The following PLCL2 variants were observed in gnomAD, a reference collection of about 807,000 sequenced individuals.
The protein encoded by PLCL2 is inactive phospholipase C-like protein 2.
In PLCL2, 4 loss-of-function variants were observed where a neutral mutation model predicts 79.6. The ratio of observed to expected loss-of-function variants is 0.05; its 90% CI spans 0.02 to 0.11. The LOEUF (loss-of-function observed/expected upper bound fraction) is 0.11. Ranked by LOEUF, PLCL2 falls within the 10% of genes least tolerant of loss-of-function variation. The pLI, the probability that PLCL2 is intolerant of heterozygous loss-of-function variation, is 1.00. For missense variants in PLCL2, 895 were observed against 1,291.0 expected (o/e 0.69, Z 4.70); for synonymous variants, 484 against 457.7 (o/e 1.06, Z -0.73).
intron 1 of PLCL2, among the ~76,000 whole-genome samples, chr3:16,962,446 C>T (rs982785518): frequency 6.6e-6 from 1 of 151,032 alleles, no homozygotes; most frequent in South Asian, 2.1e-4. Flanking sequence ...CCCCAAGGAC[C>T]TTTGATGTTT....
chr3:16,932,504 T>A (rs1234110634), intron 1 of PLCL2, among the ~76,000 whole-genome samples: 2 of 152,200 alleles, frequency 1.3e-5, no homozygotes, highest in East Asian at 3.8e-4. Context: ...TTAGCAGTTT[T>A]GTTTGGAGGT....
At chr3:16,961,226 A>T (rs913070491) in intron 1 of PLCL2, among the ~76,000 whole-genome samples, 2 of 152,246 alleles carry the variant, frequency 1.3e-5, no homozygotes, top group African/African-American at 4.8e-5. Context: ...TGAGACTGGG[A>T]CTAGAAGTTG....
At chr3:16,891,112 C>A (rs1291720348) in intron 1 of PLCL2, among the ~76,000 whole-genome samples, 1 of 152,164 alleles carries the variant, frequency 6.6e-6, no homozygotes, top group East Asian at 1.9e-4. Flanking sequence ...CCCCAGGCCA[C>A]ATGTTGCGTA....
In PLCL2 at chr3:17,006,539, C is replaced by T. The variant is rs114131034; in HGVS notation, c.328-3135C>T. Among the ~76,000 whole-genome samples, 896 of 152,274 alleles carry T rather than the reference C, an allele frequency of 5.9e-3. 12 individuals are homozygous for T. Among genetic ancestry groups the T allele is most frequent in the African/African-American group, 0.021 (857 of 41,530 alleles). On this transcript the variant is annotated intron_variant, in intron 1 of 5. Coordinates refer to ENST00000615277, the MANE Select transcript of PLCL2 (RefSeq NM_001144382.2). ...TACTCCTCTATTGGTGTTTTCTGAT[C>T]ACTTTATCTGCTAGTGAGGAAGGAG...
At chr3:17,036,733 A>G (rs1201977755) in intron 3 of PLCL2, among the ~76,000 whole-genome samples, 3 of 152,202 alleles carry the variant, frequency 2.0e-5, no homozygotes, top group Non-Finnish European at 4.4e-5. Context: ...GTTTTAGTCC[A>G]TTTTGTGTTG....
intron 3 of PLCL2, among the ~76,000 whole-genome samples, chr3:17,032,808 A>G (rs1045279147): frequency 6.6e-6 from 1 of 152,208 alleles, no homozygotes; most frequent in Non-Finnish European, 1.5e-5. Flanking sequence ...GGAGACACCC[A>G]TATTACACTT....
intron 2 of PLCL2, among the ~76,000 whole-genome samples, chr3:17,014,237 G>C (rs2064358913): frequency 6.6e-6 from 1 of 152,198 alleles, no homozygotes; most frequent in South Asian, 2.1e-4. Context: ...TGAGCCAGCA[G>C]GCATAAATAG....
chr3:16,900,967 G>A (rs1366033861), intron 1 of PLCL2, among the ~76,000 whole-genome samples: 1 of 152,174 alleles, frequency 6.6e-6, no homozygotes, highest in Non-Finnish European at 1.5e-5. Flanking sequence ...ACTGTTTGAG[G>A]TGGTGAATTG....
chr3:17,066,059 G>A (rs1559537709), intron 4 of PLCL2, among the ~76,000 whole-genome samples: 1 of 152,342 alleles, frequency 6.6e-6, no homozygotes, highest in South Asian at 2.1e-4. Context: ...GGAACCCAAC[G>A]GGTGGATCTG....
At chr3:16,965,547 A>C (rs975160623) in intron 1 of PLCL2, among the ~76,000 whole-genome samples, 1 of 151,756 alleles carries the variant, frequency 6.6e-6, no homozygotes, top group Non-Finnish European at 1.5e-5. Flanking sequence ...GTTTTTTCCA[A>C]TTCTGTGAAG....
intron 4 of PLCL2, among the ~76,000 whole-genome samples, chr3:17,067,294 GA>G (rs752665005): frequency 2.0e-5 from 3 of 151,644 alleles, no homozygotes; most frequent in African/African-American, 4.8e-5. Context: ...CCACCTAATG[GA>G]AAAAAAAGCA....
intron 1 of PLCL2, among the ~76,000 whole-genome samples, chr3:16,985,023 A>G (rs1424545230): frequency 1.3e-5 from 2 of 152,204 alleles, no homozygotes; most frequent in Non-Finnish European, 2.9e-5. Context: ...TTCATGAAGT[A>G]TAAGCACAAG....
intron 3 of PLCL2, among the ~76,000 whole-genome samples, chr3:17,037,610 G>A (rs549494551): frequency 1.3e-5 from 2 of 152,148 alleles, no homozygotes; most frequent in South Asian, 2.1e-4. Flanking sequence ...CAGTTTAGAG[G>A]TTGGGATTTT....
At chr3:17,012,381 C>T (rs1049965041) in intron 2 of PLCL2, among the ~76,000 whole-genome samples, 3 of 152,164 alleles carry the variant, frequency 2.0e-5, no homozygotes, top group South Asian at 2.1e-4. Flanking sequence ...AAGTGAGTCT[C>T]GTTGCTGTGT....
At chr3:17,025,869 G>A (rs2064512326) in intron 3 of PLCL2, among the ~76,000 whole-genome samples, 1 of 152,080 alleles carries the variant, frequency 6.6e-6, no homozygotes, top group African/African-American at 2.4e-5. Flanking sequence ...ATACAATTCA[G>A]CATTGCCTCT....
intron 1 of PLCL2, among the ~76,000 whole-genome samples, chr3:16,998,083 A>C (rs1029333093): frequency 1.3e-5 from 2 of 152,166 alleles, no homozygotes; most frequent in Non-Finnish European, 2.9e-5. Flanking sequence ...TTGCCCCTGC[A>C]TGCTGATGGA....
intron 1 of PLCL2, among the ~76,000 whole-genome samples, chr3:16,895,550 A>G (rs1362001588): frequency 6.6e-6 from 1 of 152,152 alleles, no homozygotes; most frequent in Non-Finnish European, 1.5e-5. Flanking sequence ...TTTGGAGTCT[A>G]TTTTGTTACA....
chr3:16,902,881 T>TGTGTGTGTGTGTGTGTGTGTGTGC (rs1272936432), intron 1 of PLCL2, among the ~76,000 whole-genome samples: 2 of 133,914 alleles, frequency 1.5e-5, no homozygotes, highest in East Asian at 4.9e-4. Context: ...TGTGTGTGTG[T>TGTGTGTGTGTGTGTGTGTGTGTGC]GNGCGCATGT....
intron 1 of PLCL2, among the ~76,000 whole-genome samples, chr3:16,943,301 G>A (rs9830460): frequency 0.59 from 89,776 of 151,974 alleles, 26,966 homozygotes; most frequent in African/African-American, 0.7. Context: ...CTCTGTACTA[G>A]CTCTAAAACC....
Sources: allele counts gnomAD v4.1 joint callset (sites outside exome capture counted in the v4.1 genomes callset), GRCh38; gene constraint gnomAD v4.1.1; transcripts MANE v1.5; gene names NCBI Gene and HGNC (gene_info 2026-07-23, HGNC 2026-07-21).